The following TBC1D8B variants were observed in gnomAD, a reference collection of about 807,000 sequenced individuals.
TBC1D8B encodes the protein TBC1 domain family member 8B.
Under a neutral mutation model 82.9 loss-of-function variants are expected in TBC1D8B, and 75 were observed. That is an observed-to-expected ratio of 0.90 (90% CI 0.75 to 1.10). The LOEUF is 1.10. TBC1D8B is among the 50% of genes least tolerant of loss of function. TBC1D8B has a pLI of 0.00. For missense variants in TBC1D8B, 794 were observed against 796.9 expected, an observed-to-expected ratio of 1.00 and a Z score of 0.04; for synonymous variants, 276 against 276.8, an observed-to-expected ratio of 1.00 and a Z score of 0.03.
intron 1 of TBC1D8B, among the ~76,000 whole-genome samples, chrX:106,817,971 A>C (rs1931589643): frequency 9.0e-6 from 1 of 111,263 alleles, no homozygotes; most frequent in Non-Finnish European, 1.9e-5. Context: ...ATAGTAGGAA[A>C]TATAATTAGA....
chrX:106,844,510 C>CAT (rs199853962), intron 10 of TBC1D8B, among the ~76,000 whole-genome samples: 53 of 102,765 alleles, frequency 5.2e-4, no homozygotes, highest in Middle Eastern at 5.0e-3. Flanking sequence ...TATATATAAA[C>CAT]ATATATATAT....
intron 12 of TBC1D8B, among the ~76,000 whole-genome samples, chrX:106,852,810 T>A (rs1330304818): frequency 4.5e-5 from 5 of 111,738 alleles, no homozygotes; most frequent in Non-Finnish European, 1.9e-5. Flanking sequence ...GCTGTTTTTG[T>A]TACTGTAGCC....
intron 14 of TBC1D8B, among the ~76,000 whole-genome samples, chrX:106,856,751 G>T (rs896354850): frequency 9.9e-5 from 11 of 111,589 alleles, no homozygotes; most frequent in Middle Eastern, 4.7e-3. Context: ...TTAACAGTCT[G>T]TCTTTTTAAA....
intron 1 of TBC1D8B, among the ~76,000 whole-genome samples, chrX:106,809,139 T>C (rs977545460): frequency 8.9e-6 from 1 of 112,102 alleles, no homozygotes; most frequent in Non-Finnish European, 1.9e-5. Context: ...GATTAAATCC[T>C]AAATGTGATG....
At chrX:106,839,079 C>G (rs1449988798) in intron 7 of TBC1D8B, among the ~76,000 whole-genome samples, 2 of 111,590 alleles carry the variant, frequency 1.8e-5, no homozygotes, top group African/African-American at 3.3e-5. Flanking sequence ...TGTTTTGCCA[C>G]TATTTTGTTG....
chrX:106,864,208 G>A (rs1932797912), intron 14 of TBC1D8B, among the ~76,000 whole-genome samples: 1 of 111,188 alleles, frequency 9.0e-6, no homozygotes, highest in Admixed American at 9.5e-5. Flanking sequence ...GCAAGTAGGG[G>A]GTTAGGGCAG....
intron 17 of TBC1D8B, among the ~76,000 whole-genome samples, chrX:106,867,749 G>A (rs1486175594): frequency 1.8e-5 from 2 of 111,455 alleles, no homozygotes; most frequent in East Asian, 5.6e-4. Flanking sequence ...CTTTTCTCAG[G>A]ATAGCCGGGA....
intron 18 of TBC1D8B, among the ~76,000 whole-genome samples, chrX:106,868,939 A>T (rs768816192): frequency 8.9e-6 from 1 of 112,032 alleles, no homozygotes; most frequent in East Asian, 2.8e-4. Flanking sequence ...TAAATATTCA[A>T]TGTCCTATAG....
chrX:106,854,739 C>T (rs1260032589), intron 14 of TBC1D8B, among the ~76,000 whole-genome samples: 1 of 110,455 alleles, frequency 9.1e-6, no homozygotes, highest in Non-Finnish European at 1.9e-5. Context: ...TGTCTCAAAC[C>T]CATGGGCTCA....
chrX:106,826,853 T>A (rs1242395558), intron 6 of TBC1D8B, among the ~76,000 whole-genome samples: 1 of 111,501 alleles, frequency 9.0e-6, no homozygotes, highest in Non-Finnish European at 1.9e-5. Context: ...TCACTTTTGA[T>A]GTACTCTGTC....
intron 6 of TBC1D8B, among the ~76,000 whole-genome samples, chrX:106,826,745 T>G (rs1274252277): frequency 9.1e-6 from 1 of 110,402 alleles, no homozygotes; most frequent in Admixed American, 9.7e-5. Flanking sequence ...CCATTTTGCA[T>G]TAACCTAAAT....
chrX:106,826,350 T>C, intron 6 of TBC1D8B, 113 bp downstream of exon 6: 1 of 579,961 alleles, frequency 1.7e-6, no homozygotes, highest in Non-Finnish European at 2.7e-6. Context: ...AATATCCTTT[T>C]AGTAATTTAA....
chrX:106,869,473 C>A lies in TBC1D8B; in HGVS notation c.2813-12C>A. The A allele has an allele frequency of 8.3e-7, 1 of 1,203,136 alleles. No homozygotes were observed. The highest frequency in any genetic ancestry group is 2.2e-5 in the Admixed American group (1 of 45,676). On this transcript the variant is annotated splice_polypyrimidine_tract_variant and intron_variant, in intron 18 of 20. Transcript: ENST00000357242. ...AACATCTTACAGAATGCAATTACATCTTTTCTTATAGTTTCCAAGCCTGCA... is the reference window on the plus strand; with the variant it reads ...AACATCTTACAGAATGCAATTACATATTTTCTTATAGTTTCCAAGCCTGCA...
intron 1 of TBC1D8B, among the ~76,000 whole-genome samples, chrX:106,816,610 TA>T (rs1397819889): frequency 3.9e-4 from 41 of 104,948 alleles, no homozygotes; most frequent in African/African-American, 1.3e-3. Context: ...TTCTATTTTT[TA>T]AAAGCTTCAA....
intron 1 of TBC1D8B, among the ~76,000 whole-genome samples, chrX:106,811,970 G>T (rs1317141495): frequency 9.0e-6 from 1 of 111,491 alleles, no homozygotes; most frequent in East Asian, 2.8e-4. Context: ...ATGAAAAAAA[G>T]ATTTCAGTTA....
chrX:106,837,929 A>T (rs1285056368), intron 7 of TBC1D8B, among the ~76,000 whole-genome samples: 1 of 111,364 alleles, frequency 9.0e-6, no homozygotes, highest in East Asian at 2.8e-4. Context: ...ATAGGGGTAT[A>T]ATTTATATAT....
At chrX:106,808,384 T>C (rs1268706080) in intron 1 of TBC1D8B, among the ~76,000 whole-genome samples, 2 of 111,814 alleles carry the variant, frequency 1.8e-5, no homozygotes, top group African/African-American at 6.5e-5. Context: ...GACGTTAAAA[T>C]GCCATTTTCT....
At position 106,819,474 on chromosome X, in the gene TBC1D8B, C is replaced by T. The variant is rs906539014; in HGVS notation, c.241+701C>T. Among the ~76,000 whole-genome samples the T allele has an allele frequency of 1.3e-4, 14 of 111,165 alleles. No homozygotes were observed. The South Asian group carries it at 5.2e-3, about 42-fold the overall frequency. ...CTAAATTAGAATCCCAGATTTCTAG[C>T]CTTTTTGATATTGAAAAACTGCCTT... On this transcript the variant is annotated intron_variant, in intron 2 of 20. Coordinates refer to ENST00000357242, the MANE Select transcript of TBC1D8B (RefSeq NM_017752.3).
intron 3 of TBC1D8B, among the ~76,000 whole-genome samples, 162 bp downstream of exon 3, chrX:106,821,157 A>T (rs778715368): frequency 1.8e-5 from 2 of 111,420 alleles, no homozygotes; most frequent in Admixed American, 9.5e-5. Flanking sequence ...AGAAAACTGT[A>T]AAGTCTTTAG....
Sources: allele counts gnomAD v4.1 joint callset (sites outside exome capture counted in the v4.1 genomes callset), GRCh38; gene constraint gnomAD v4.1.1; transcripts MANE v1.5; gene names NCBI Gene and HGNC (gene_info 2026-07-23, HGNC 2026-07-21).